HGD: variants seen among roughly 807,000 people sequenced by gnomAD.
HGD encodes the protein homogentisate oxidase.
HGD carries 61 observed loss-of-function variants against 60.8 expected under a neutral mutation model. The observed-to-expected ratio is 1.00, with a 90% CI of 0.82 to 1.24. The LOEUF (loss-of-function observed/expected upper bound fraction) is 1.24. HGD is among the 50% of genes most tolerant of loss of function. The pLI is 0.00. For synonymous variants in HGD, 212 were observed against 187.7 expected, an observed-to-expected ratio of 1.13 and a Z score of -1.06; for missense variants, 542 against 547.1, an observed-to-expected ratio of 0.99 and a Z score of 0.09.
At chr3:120,649,418 C>T (rs1941267720) in intron 6 of HGD, among the ~76,000 whole-genome samples, 1 of 152,088 alleles carries the variant, frequency 6.6e-6, no homozygotes, top group African/African-American at 2.4e-5. Flanking sequence ...ACTGGGATTA[C>T]AGGCGTGATC....
intron 4 of HGD, among the ~76,000 whole-genome samples, chr3:120,653,310 T>G (rs1186428908): frequency 6.6e-6 from 1 of 152,194 alleles, no homozygotes; most frequent in Non-Finnish European, 1.5e-5. Flanking sequence ...ATCAGCAGGT[T>G]TAGGCCCTTC....
chr3:120,670,395 A>G, intron 4 of HGD, 32 bp downstream of exon 4: 1 of 1,048,582 alleles, frequency 9.5e-7, no homozygotes, highest in Non-Finnish European at 1.5e-6. Context: ...CTTTGGGTAT[A>G]TGATAAGCTT....
chr3:120,638,656 AC>A, intron 11 of HGD, 75 bp from the exon 12 acceptor site: 1 of 1,513,688 alleles, frequency 6.6e-7, no homozygotes, highest in Non-Finnish European at 9.2e-7. Context: ...TTTCATGCAT[AC>A]ATGAAGGTGT....
At position 120,628,258 on chromosome 3, in the gene HGD, C is replaced by T. The variant is rs562005702; in HGVS notation, c.*122G>A. 1.1e-4 allele frequency: 128 copies of T among 1,124,942 alleles called. 1 individual carries two copies. Among genetic ancestry groups the T allele is most frequent in the East Asian group, 9.2e-4 (39 of 42,476 alleles). The allele number at this position is 1,124,942 out of a possible 1,614,324, so 69.7% of individuals were successfully genotyped here. On this transcript the variant is annotated 3_prime_UTR_variant, in exon 14 of 14. Transcript: ENST00000283871. ...GCGTTTCCATAAAAGTTCTGAGTTACTTGACTATGAAAAGTGAATTTTCAT... is the reference window on the plus strand; with the variant it reads ...GCGTTTCCATAAAAGTTCTGAGTTATTTGACTATGAAAAGTGAATTTTCAT...
At chr3:120,651,077 G>A (rs973290030) in intron 5 of HGD, among the ~76,000 whole-genome samples, 1 of 152,192 alleles carries the variant, frequency 6.6e-6, no homozygotes, top group East Asian at 1.9e-4. Context: ...TCCAGCCATG[G>A]CCTAAATCTG....
intron 6 of HGD, among the ~76,000 whole-genome samples, chr3:120,648,591 A>C (rs994299675): frequency 7.9e-5 from 12 of 152,250 alleles, no homozygotes; most frequent in Admixed American, 6.5e-4. Flanking sequence ...GCCAGTATAT[A>C]AGCTCCTCTA....
intron 4 of HGD, 38 bp downstream of exon 4, chr3:120,670,389 G>T: frequency 2.1e-6 from 2 of 969,814 alleles, no homozygotes; most frequent in Non-Finnish European, 3.4e-6. Flanking sequence ...TCAAGGCTTT[G>T]GGTATATGAT....
Position 120,658,152 on chromosome 3 carries a change from A to T in HGD, c.283-5501T>A, listed in dbSNP as rs529355305. Among the ~76,000 whole-genome samples, 7 of 152,330 alleles carry T rather than the reference A, an allele frequency of 4.6e-5. No individual in the cohort carries two copies. In the East Asian group the frequency reaches 1.4e-3, roughly 29 times the overall value. ...TAACCATGCCTTCCCAGCAGTGCCC[A>T]AAAGTCTTAACTCATTCTAGTATTA... On this transcript the variant is annotated intron_variant, in intron 4 of 13. Transcript: ENST00000283871.
chr3:120,636,116 C>CAA lies in HGD; in HGVS notation c.1006+2337_1006+2338dup, dbSNP rs34434001. Among the ~76,000 whole-genome samples, 428 of 113,202 alleles carry CAA rather than the reference C, an allele frequency of 3.8e-3. 5 individuals carry two copies. The highest frequency in any genetic ancestry group is 6.7e-3 in the Non-Finnish European group (372 of 55,418). 74.3% of individuals were successfully genotyped at this position (113,202 alleles called of 152,430 possible). A position where few individuals can be genotyped will look rare whatever the true frequency, so the allele number is the denominator to read the frequency against. On this transcript the variant is annotated intron_variant, in intron 12 of 13. Coordinates refer to ENST00000283871, the MANE Select transcript of HGD (RefSeq NM_000187.4). ...CAAGACCCCGTCTGTACTAACAATACAAAAAAAAAAAAAAAAAGCCAGGTG... is the reference window on the plus strand; with the variant it reads ...CAAGACCCCGTCTGTACTAACAATACAAAAAAAAAAAAAAAAAAAGCCAGGTG...
At chr3:120,679,146 C>G (rs970548965) in intron 1 of HGD, among the ~76,000 whole-genome samples, 3 of 152,214 alleles carry the variant, frequency 2.0e-5, no homozygotes, top group Non-Finnish European at 4.4e-5. Flanking sequence ...ACCATCAGCT[C>G]TTTGGCAGCT....
intron 12 of HGD, among the ~76,000 whole-genome samples, chr3:120,635,804 A>G (rs1403430874): frequency 6.6e-6 from 1 of 152,182 alleles, no homozygotes; most frequent in Non-Finnish European, 1.5e-5. Context: ...AGTCTGAACT[A>G]CAAATAAAAA....
At chr3:120,640,690 C>T (rs996007504) in intron 11 of HGD, among the ~76,000 whole-genome samples, 3 of 152,210 alleles carry the variant, frequency 2.0e-5, no homozygotes, top group African/African-American at 7.2e-5. Flanking sequence ...TAGTGAATCA[C>T]AAATAAAGCT....
At chr3:120,645,890 A>C (rs1307487743) in intron 9 of HGD, among the ~76,000 whole-genome samples, 1 of 151,820 alleles carries the variant, frequency 6.6e-6, no homozygotes, top group African/African-American at 2.4e-5. Flanking sequence ...TTTCCTCTTT[A>C]CTCTCCTCAA....
Position 120,652,639 on chromosome 3 carries a change from G to A in HGD, c.295C>T (p.Pro99Ser). The A allele has an allele frequency of 6.2e-7, 1 of 1,612,788 alleles. No individual in the cohort carries two copies. The highest frequency in any genetic ancestry group is 1.7e-5 in the Admixed American group (1 of 59,992). Residue 99 changes from proline to serine, a missense_variant, in exon 5 of 14, where the codon CCA (proline) becomes TCA (serine). Pro to Ser is a moderately conservative substitution (Grantham distance 74). Transcript: ENST00000283871. ...TGAGATGCTTTTGGAATCTCAAATG[G>A]TTTCCATCTAAGCTGGAAAAAAAAT... Reference protein sequence around the residue: ...DPDPNQLRWKPFEIPKASQKK... With the variant: ...DPDPNQLRWKSFEIPKASQKK...
intron 3 of HGD, among the ~76,000 whole-genome samples, chr3:120,671,238 G>A (rs1708019719): frequency 6.6e-6 from 1 of 152,074 alleles, no homozygotes. Flanking sequence ...TACTAACAAC[G>A]TGTGAGAGTG....
chr3:120,673,014 C>T (rs1286612070), intron 3 of HGD, among the ~76,000 whole-genome samples: 1 of 151,892 alleles, frequency 6.6e-6, no homozygotes, highest in African/African-American at 2.4e-5. Flanking sequence ...TTGTGGTGGC[C>T]CTGTATGCTA....
At chr3:120,669,625 T>C (rs1707981610) in intron 4 of HGD, among the ~76,000 whole-genome samples, 1 of 152,188 alleles carries the variant, frequency 6.6e-6, no homozygotes, top group Admixed American at 6.5e-5. Flanking sequence ...TGACACACTA[T>C]TAAAACTGTG....
In HGD at chr3:120,646,521, T is replaced by A. The variant is rs184750854; in HGVS notation, c.550-155A>T. ...ACCAGAGCAAACATGAAAAACTGAA[T>A]TTTTTTAAAAAGAAATTTTTAAAAT... On this transcript the variant is annotated intron_variant, in intron 8 of 13. Transcript: ENST00000283871. 3.9e-5 allele frequency among the ~76,000 whole-genome samples: 6 copies of A among 152,160 alleles called. No individual in the cohort carries two copies. In the East Asian group the frequency reaches 7.7e-4, roughly 20 times the overall value.
At chr3:120,648,251 C>G (rs1017586994) in intron 6 of HGD, among the ~76,000 whole-genome samples, 3 of 152,168 alleles carry the variant, frequency 2.0e-5, no homozygotes, top group African/African-American at 7.2e-5. Context: ...AAGGTGTTAT[C>G]TAGGTGAGGG....
Sources: allele counts gnomAD v4.1 joint callset (sites outside exome capture counted in the v4.1 genomes callset), GRCh38; gene constraint gnomAD v4.1.1; transcripts MANE v1.5; gene names NCBI Gene and HGNC (gene_info 2026-07-23, HGNC 2026-07-21).